The following AKAP9 variants were observed in gnomAD, a reference collection of about 807,000 sequenced individuals.
The protein encoded by AKAP9 is A-kinase anchoring protein 9, also known as A-kinase anchor protein 9.
Under a neutral mutation model 488.5 loss-of-function variants are expected in AKAP9, and 311 were observed. That is an observed-to-expected ratio of 0.64 (90% CI 0.58 to 0.70). The LOEUF (loss-of-function observed/expected upper bound fraction) is 0.70. Among genes scored for constraint, AKAP9 ranks in the 30% least tolerant of loss-of-function variants. The probability of loss-of-function intolerance (pLI) is 0.00; values close to 1 mark genes in which losing one functional copy is unlikely to be tolerated. For missense variants in AKAP9, 4,215 were observed against 4,374.5 expected, an observed-to-expected ratio of 0.96 and a Z score of 1.03; for synonymous variants, 1,462 against 1,483.5, an observed-to-expected ratio of 0.99 and a Z score of 0.33.
At position 92,095,183 on chromosome 7, in the gene AKAP9, T is replaced by C; in HGVS notation, c.9729+10T>C. 6.2e-7 allele frequency: 1 copy of C among 1,614,150 alleles called. No individual in the cohort carries two copies. Among genetic ancestry groups the C allele is most frequent in the Non-Finnish European group, 8.5e-7 (1 of 1,179,998 alleles). On this transcript the variant is annotated intron_variant, in intron 40 of 49. Coordinates refer to ENST00000356239, the MANE Select transcript of AKAP9 (RefSeq NM_005751.5). ...TAAAGAAGAACTTGAGGTACTGTTA[T>C]CTTTGTCTTTAAATGTCTGGAAAAT... is the stretch of plus-strand genomic sequence containing the variant.
intron 3 of AKAP9, among the ~76,000 whole-genome samples, chr7:91,985,296 C>T (rs1796928730): frequency 6.6e-6 from 1 of 152,098 alleles, no homozygotes; most frequent in African/African-American, 2.4e-5. Flanking sequence ...CCATCAATAC[C>T]TAGTTTATTG....
Position 92,045,152 on chromosome 7 carries a change from A to G in AKAP9, c.5307A>G (p.Leu1769=). The G allele has an allele frequency of 6.2e-7, 1 of 1,613,718 alleles. No homozygotes were observed. The highest frequency in any genetic ancestry group is 8.5e-7 in the Non-Finnish European group (1 of 1,179,940). The change falls in exon 21 of 50, where the codon CTA becomes CTG. Residue 1769 remains leucine (L), a synonymous_variant. Transcript: ENST00000356239. Reference sequence around the variant, plus strand: ...GTAAAAGCCAGTCATCTGCCAGCCTAATTTGGAGGTCAGAAGCAGAGGCAT... The same window carrying G: ...GTAAAAGCCAGTCATCTGCCAGCCTGATTTGGAGGTCAGAAGCAGAGGCAT... The part of the protein sequence containing the change: ...RSSKSQSSAS[L]IWRSEAEASV...
At position 92,062,463 on chromosome 7, in the gene AKAP9, C is replaced by G; in HGVS notation, c.5954C>G (p.Ala1985Gly). ...TCCAGACAAAAGGAAGCTATGAAAGCAGAGGCAGGCCCAGTTGAACAACGT... is the reference window on the plus strand; with the variant it reads ...TCCAGACAAAAGGAAGCTATGAAAGGAGAGGCAGGCCCAGTTGAACAACGT... ...LLSRQKEAMK[A>G]EAGPVEQQLL... Residue 1985 changes from alanine to glycine, a missense_variant, in exon 24 of 50, where the codon GCA (alanine) becomes GGA (glycine). By Grantham distance (60) the Ala-to-Gly change is moderately conservative. Transcript: ENST00000356239. 6.2e-7 allele frequency: 1 copy of G among 1,613,466 alleles called. No individual in the cohort carries two copies. Among genetic ancestry groups the G allele is most frequent in the South Asian group, 1.1e-5 (1 of 91,076 alleles).
intron 14 of AKAP9, among the ~76,000 whole-genome samples, chr7:92,023,361 T>C (rs1363855098): frequency 6.6e-6 from 1 of 152,232 alleles, no homozygotes; most frequent in East Asian, 1.9e-4. Context: ...GAATATAAGG[T>C]AGGATCATTC....
At chr7:91,942,231 G>A (rs73403710) in intron 1 of AKAP9, among the ~76,000 whole-genome samples, 1 of 151,988 alleles carries the variant, frequency 6.6e-6, no homozygotes, top group African/African-American at 2.4e-5. Context: ...AGGAAACCAG[G>A]TTAGTGATTT....
chr7:92,105,584 ATG>A, intron 46 of AKAP9, 92 bp from the exon 47 acceptor site: 1 of 902,926 alleles, frequency 1.1e-6, no homozygotes, highest in East Asian at 2.5e-5. Flanking sequence ...CATTTGTTCT[ATG>A]TTCATATTTA....
At chr7:92,031,725 G>T in intron 16 of AKAP9, 121 bp downstream of exon 16, 1 of 760,238 alleles carries the variant, frequency 1.3e-6, no homozygotes, top group Non-Finnish European at 2.2e-6. Context: ...TCATCTTTAA[G>T]TGATTGGATA....
intron 2 of AKAP9, among the ~76,000 whole-genome samples, chr7:91,977,270 A>G (rs972041888): frequency 6.7e-6 from 1 of 149,006 alleles, no homozygotes; most frequent in Non-Finnish European, 1.5e-5. Context: ...AAAAAACAAC[A>G]CAAGGGCCGG....
intron 7 of AKAP9, among the ~76,000 whole-genome samples, chr7:92,000,622 TCTA>T (rs2130661298): frequency 6.6e-6 from 1 of 152,340 alleles, no homozygotes; most frequent in South Asian, 2.1e-4. Flanking sequence ...AGAAATTTCT[TCTA>T]AGAAGGCCAA....
intron 11 of AKAP9, among the ~76,000 whole-genome samples, chr7:92,016,725 T>C (rs1191774420): frequency 6.6e-6 from 1 of 152,118 alleles, no homozygotes; most frequent in Non-Finnish European, 1.5e-5. Flanking sequence ...ACTTTTTTGA[T>C]GTTCTTTCAC....
chr7:91,948,759 C>G (rs1443394842), intron 1 of AKAP9, among the ~76,000 whole-genome samples: 1 of 151,862 alleles, frequency 6.6e-6, no homozygotes, highest in Admixed American at 6.6e-5. Flanking sequence ...TTACAGGCAT[C>G]CACCACCATG....
intron 1 of AKAP9, among the ~76,000 whole-genome samples, chr7:91,958,010 G>A (rs962025945): frequency 1.3e-5 from 2 of 152,146 alleles, no homozygotes; most frequent in Non-Finnish European, 2.9e-5. Flanking sequence ...TTGGGGAGTA[G>A]TGACTACATT....
intron 31 of AKAP9, among the ~76,000 whole-genome samples, chr7:92,081,136 AT>A (rs1013928075): frequency 3.9e-4 from 59 of 151,972 alleles, no homozygotes; most frequent in African/African-American, 1.4e-3. Flanking sequence ...ATTTATGGGG[AT>A]TTTTTTCTTA....
chr7:92,094,099 C>T (rs1816113871), intron 39 of AKAP9, among the ~76,000 whole-genome samples: 1 of 152,000 alleles, frequency 6.6e-6, no homozygotes, highest in African/African-American at 2.4e-5. Flanking sequence ...GACCCACCCA[C>T]CACGGCCTCC....
rs189861522 is a variant in AKAP9, at chr7:92,010,023, C to T, written c.3319-2406C>T. Among the ~76,000 whole-genome samples, 369 of 152,264 alleles carry T rather than the reference C, an allele frequency of 2.4e-3. 3 individuals carry two copies. The highest frequency in any genetic ancestry group is 8.4e-3 in the African/African-American group (349 of 41,536). On this transcript the variant is annotated intron_variant, in intron 8 of 49. Transcript: ENST00000356239. ...GCCTCCCAAGTAGCTGGGACCACAA[C>T]AGGCACATAGCACCATGCCTAGCTA... is the stretch of plus-strand genomic sequence containing the variant.
rs902106061 is a variant in AKAP9, at chr7:91,985,475, C to T, written c.351+5142C>T. 5.3e-5 allele frequency among the ~76,000 whole-genome samples: 8 copies of T among 152,126 alleles called. No individual in the cohort carries two copies. The East Asian group carries it at 1.2e-3, about 22-fold the overall frequency. ...CCTAGTGATGAAGCTGACTTGATCA[C>T]GGTGGATAAGCTTTTTGATGTGCTG... is the stretch of plus-strand genomic sequence containing the variant. On this transcript the variant is annotated intron_variant, in intron 3 of 49. Transcript: ENST00000356239.
At chr7:92,108,721 A>T in intron 49 of AKAP9, 88 bp downstream of exon 49, 1 of 1,513,358 alleles carries the variant, frequency 6.6e-7, no homozygotes. Flanking sequence ...ACTCATTAGG[A>T]TAATCAAAGC....
chr7:91,992,921 C>A lies in AKAP9; in HGVS notation c.442C>A (p.Gln148Lys), dbSNP rs1373360499. The A allele has an allele frequency of 6.2e-7, 1 of 1,613,908 alleles. No homozygotes were observed. The highest frequency in any genetic ancestry group is 1.7e-5 in the Admixed American group (1 of 60,004). Residue 148 changes from glutamine (Q) to lysine (K), a missense_variant, in exon 5 of 50, where the codon CAA (glutamine) becomes AAA (lysine). Physicochemically the swap from Gln to Lys is moderately conservative, Grantham distance 53. Coordinates refer to ENST00000356239, the MANE Select transcript of AKAP9 (RefSeq NM_005751.5). ...TGGTGTTGATGATTCTTATTCTGAA[C>A]AAGGAGCACAAGACAGTCCGACTCA... ...EFGVDDSYSE[Q>K]GAQDSPTHLE... is the part of the protein sequence containing the mutation.
At chr7:91,965,108 C>A (rs1794270772) in intron 1 of AKAP9, among the ~76,000 whole-genome samples, 1 of 152,120 alleles carries the variant, frequency 6.6e-6, no homozygotes, top group African/African-American at 2.4e-5. Context: ...ACTATAGTCA[C>A]CCTACCAATC....
Sources: allele counts gnomAD v4.1 joint callset (sites outside exome capture counted in the v4.1 genomes callset), GRCh38; gene constraint gnomAD v4.1.1; transcripts MANE v1.5; gene names NCBI Gene and HGNC (gene_info 2026-07-23, HGNC 2026-07-21).